DMD: variants seen among roughly 807,000 people sequenced by gnomAD.
DMD encodes dystrophin.
A neutral mutation model predicts 330.1 loss-of-function variants in DMD; 63 were observed. The ratio of observed to expected loss-of-function variants is 0.19; its 90% CI spans 0.16 to 0.24. The LOEUF is 0.24. Among genes scored for constraint, DMD ranks in the 10% least tolerant of loss-of-function variants. The probability of loss-of-function intolerance (pLI) is 1.00; values close to 1 mark genes in which losing one functional copy is unlikely to be tolerated. For missense variants in DMD, 3,344 were observed against 2,684.1 expected (o/e 1.25, Z -5.43); for synonymous variants, 1,223 against 959.8 (o/e 1.27, Z -5.07).
Position 32,237,248 on chromosome X carries a change from T to C in DMD, c.6291-20185A>G, listed in dbSNP as rs772093311. Among the ~76,000 whole-genome samples the C allele has an allele frequency of 8.2e-5, 9 of 110,331 alleles. No individual in the cohort carries two copies. In the South Asian group the frequency reaches 3.1e-3, roughly 37 times the overall value. The stretch of plus-strand genomic sequence containing the variant: ...GTACAGTGTGAGATAGGGATCTAAT[T>C]CTTATGTTTAATAAAATTTTAAATG... On this transcript the variant is annotated intron_variant, in intron 43 of 78. Coordinates refer to ENST00000357033, the MANE Select transcript of DMD (RefSeq NM_004006.3).
At chrX:32,080,762 C>T (rs1318750963) in intron 44 of DMD, among the ~76,000 whole-genome samples, 2 of 111,352 alleles carry the variant, frequency 1.8e-5, no homozygotes, top group African/African-American at 6.5e-5. Flanking sequence ...AGGGGTGGTC[C>T]CAGCCATGAA....
chrX:32,015,959 G>A (rs1229663091), intron 44 of DMD, among the ~76,000 whole-genome samples: 4 of 111,749 alleles, frequency 3.6e-5, no homozygotes. Context: ...ATCAGTTGGT[G>A]AGCATTACCT....
intron 2 of DMD, among the ~76,000 whole-genome samples, chrX:32,970,169 A>AT (rs1232314300): frequency 1.1e-4 from 10 of 92,296 alleles, no homozygotes; most frequent in Non-Finnish European, 1.9e-4. Context: ...CTTGTTTGAC[A>AT]TTTTTTTTTA....
intron 52 of DMD, among the ~76,000 whole-genome samples, chrX:31,711,989 A>G (rs984575461): frequency 1.3e-4 from 15 of 111,136 alleles, no homozygotes; most frequent in Non-Finnish European, 2.6e-4. Context: ...CGGCATTTGA[A>G]AATCTGTTAA....
At chrX:32,461,124 A>C in intron 25 of DMD, among the ~76,000 whole-genome samples, 1 of 111,942 alleles carries the variant, frequency 8.9e-6, no homozygotes, top group South Asian at 3.7e-4. Context: ...CAAATTATTT[A>C]TGTTTTCGCA....
At chrX:33,173,259 TTC>T (rs1260225060) in intron 1 of DMD, among the ~76,000 whole-genome samples, 1 of 111,640 alleles carries the variant, frequency 9.0e-6, no homozygotes, top group African/African-American at 3.2e-5. Flanking sequence ...TGAGTATAGA[TTC>T]TGTGTTTACA....
rs751581515 is a variant in DMD at position 32,642,514 on chromosome X, C to T, written c.1331+1618G>A. Among the ~76,000 whole-genome samples, 8 of 112,004 alleles carry T rather than the reference C, an allele frequency of 7.1e-5. No homozygotes were observed. The South Asian group carries it at 2.9e-3, about 41-fold the overall frequency. On this transcript the variant is annotated intron_variant, in intron 11 of 78. Transcript: ENST00000357033. ...GTGGGATGGGGATGAGGAAATTACA[C>T]GCACAGAAGTCTAGGTGTCTGTCAT...
At chrX:33,314,871 T>C (rs936895674) in intron 1 of DMD, among the ~76,000 whole-genome samples, 2 of 110,687 alleles carry the variant, frequency 1.8e-5, no homozygotes, top group Admixed American at 1.9e-4. Context: ...CAGGCTGGAG[T>C]GCAATGGCGT....
intron 30 of DMD, among the ~76,000 whole-genome samples, chrX:32,401,123 T>C (rs1198698783): frequency 6.2e-5 from 6 of 97,445 alleles, no homozygotes; most frequent in East Asian, 6.5e-4. Context: ...TAGGTGGGAA[T>C]TGAACAATGA....
At chrX:31,743,675 C>T (rs2087560738) in intron 51 of DMD, among the ~76,000 whole-genome samples, 1 of 110,954 alleles carries the variant, frequency 9.0e-6, no homozygotes, top group African/African-American at 3.3e-5. Flanking sequence ...ACAATAGAAA[C>T]GGAGGACTAC....
intron 2 of DMD, among the ~76,000 whole-genome samples, chrX:32,928,382 A>T (rs2089277924): frequency 9.1e-6 from 1 of 110,412 alleles, no homozygotes; most frequent in East Asian, 2.9e-4. Context: ...CTAGTAAGAA[A>T]GCTGTTGTTT....
chrX:33,250,807 A>AT (rs1443045133), intron 1 of DMD, among the ~76,000 whole-genome samples: 1 of 111,242 alleles, frequency 9.0e-6, no homozygotes, highest in Non-Finnish European at 1.9e-5. Flanking sequence ...TAAATTATAT[A>AT]TTTTTTATTT....
intron 74 of DMD, among the ~76,000 whole-genome samples, chrX:31,157,304 G>T (rs1206800795): frequency 3.6e-5 from 4 of 111,850 alleles, no homozygotes; most frequent in Non-Finnish European, 5.6e-5. Flanking sequence ...CTGATCAGAT[G>T]CTAATTCATT....
intron 45 of DMD, among the ~76,000 whole-genome samples, chrX:31,941,671 C>T (rs757414047): frequency 2.7e-5 from 3 of 111,497 alleles, no homozygotes; most frequent in South Asian, 3.8e-4. Flanking sequence ...GCATAGTACC[C>T]GATAGGTAGT....
intron 9 of DMD, among the ~76,000 whole-genome samples, chrX:32,676,880 C>T (rs1029118551): frequency 1.8e-5 from 2 of 111,370 alleles, no homozygotes; most frequent in Non-Finnish European, 3.8e-5. Flanking sequence ...ATATTATTTC[C>T]TATCTTCAGT....
At chrX:33,144,001 T>G (rs1019152069) in intron 1 of DMD, among the ~76,000 whole-genome samples, 3 of 111,876 alleles carry the variant, frequency 2.7e-5, no homozygotes, top group Non-Finnish European at 5.6e-5. Context: ...GCAATCTGTT[T>G]TCTGTTAAAT....
At chrX:31,262,024 G>A (rs2050571368) in intron 62 of DMD, among the ~76,000 whole-genome samples, 1 of 112,319 alleles carries the variant, frequency 8.9e-6, no homozygotes, top group African/African-American at 3.2e-5. Context: ...AGAAAGTACA[G>A]GGGCCTCACA....
chrX:31,580,376 C>G (rs997565084), intron 55 of DMD, among the ~76,000 whole-genome samples: 3 of 111,705 alleles, frequency 2.7e-5, no homozygotes, highest in African/African-American at 9.8e-5. Flanking sequence ...GCTGGTTAGC[C>G]TGCTGGAGGG....
intron 2 of DMD, among the ~76,000 whole-genome samples, chrX:32,929,512 A>C (rs1860186509): frequency 9.1e-6 from 1 of 110,436 alleles, no homozygotes; most frequent in African/African-American, 3.3e-5. Context: ...TGTTCAACTA[A>C]TTGGCCATAG....
Sources: gnomAD v4.1 joint callset for allele counts (sites outside exome capture counted in the v4.1 genomes callset) on GRCh38, gnomAD v4.1.1 for gene constraint, MANE v1.5 for transcripts, NCBI Gene and HGNC (gene_info 2026-07-23, HGNC 2026-07-21) for gene names.